Variants in GABPB2 observed in about 807,000 individuals in gnomAD.
GABPB2 encodes the protein GA-binding protein subunit beta-2.
Under a neutral mutation model 39.1 loss-of-function variants are expected in GABPB2, and 23 were observed. The ratio of observed to expected loss-of-function variants is 0.59; its 90% confidence interval spans 0.42 to 0.83. The LOEUF (loss-of-function observed/expected upper bound fraction) is 0.83. Among genes scored for constraint, GABPB2 ranks in the 40% least tolerant of loss-of-function variants. The probability of loss-of-function intolerance (pLI) is 0.00; values close to 1 mark genes in which losing one functional copy is unlikely to be tolerated. For synonymous variants in GABPB2, 184 were observed against 199.3 expected (o/e 0.92, Z 0.65); for missense variants, 467 against 541.1 (o/e 0.86, Z 1.36).
At chr1:151,114,576 T>C (rs1056410685) in intron 7 of GABPB2, among the ~76,000 whole-genome samples, 3 of 152,106 alleles carry the variant, frequency 2.0e-5, no homozygotes, top group Non-Finnish European at 4.4e-5. Flanking sequence ...CATATGCCTA[T>C]AGTCCCAGAT....
chr1:151,109,879 C>A lies in GABPB2; in HGVS notation c.922+2657C>A, dbSNP rs1387374456. ...TTTTAGACAGGGACACAGTCTGTCACCCAGGCTGGAGTGCAGTGGCGTGAT... is the reference window on the plus strand; with the variant it reads ...TTTTAGACAGGGACACAGTCTGTCAACCAGGCTGGAGTGCAGTGGCGTGAT... On this transcript the variant is annotated intron_variant, in intron 7 of 8. Coordinates refer to ENST00000368918, the MANE Select transcript of GABPB2 (RefSeq NM_144618.3). Among the ~76,000 whole-genome samples the A allele has an allele frequency of 4.0e-5, 6 of 150,744 alleles. No individual in the cohort carries two copies. In the East Asian group the frequency reaches 6.0e-4, roughly 15 times the overall value.
At chr1:151,097,358 G>GA (rs1679170319) in intron 4 of GABPB2, among the ~76,000 whole-genome samples, 3 of 151,852 alleles carry the variant, frequency 2.0e-5, no homozygotes, top group Admixed American at 1.3e-4. Context: ...GGCCTGGTCT[G>GA]AAAAAAAATG....
At chr1:151,093,157 C>T (rs750634304) in intron 3 of GABPB2, 35 bp from the exon 4 acceptor site, 56 of 1,510,918 alleles carry the variant, frequency 3.7e-5, no homozygotes, top group South Asian at 3.5e-4. Flanking sequence ...CTACTATAAC[C>T]GCTGTTTGTT....
At chr1:151,080,180 A>C (rs1254818337) in intron 1 of GABPB2, among the ~76,000 whole-genome samples, 2 of 140,338 alleles carry the variant, frequency 1.4e-5, no homozygotes, top group Non-Finnish European at 1.5e-5. Context: ...ATGCCATTGC[A>C]CTCCAGCCTG....
intron 1 of GABPB2, among the ~76,000 whole-genome samples, chr1:151,084,990 C>T (rs971921302): frequency 1.3e-5 from 2 of 151,952 alleles, no homozygotes; most frequent in Non-Finnish European, 2.9e-5. Context: ...GTCTCAGCTA[C>T]TTGGAAGGCT....
intron 1 of GABPB2, among the ~76,000 whole-genome samples, chr1:151,075,694 G>A (rs1411464283): frequency 1.3e-5 from 2 of 150,812 alleles, no homozygotes; most frequent in African/African-American, 4.9e-5. Flanking sequence ...AGGCAACAGA[G>A]CGAGACTTCA....
intron 4 of GABPB2, 99 bp from the exon 5 acceptor site, chr1:151,097,753 T>C: frequency 4.1e-6 from 5 of 1,208,490 alleles, no homozygotes; most frequent in Non-Finnish European, 4.6e-6. Context: ...CACTCCAGCC[T>C]GGGTGGCAGA....
chr1:151,104,802 T>TTTCTTTCTCTTTC (rs10638922), intron 6 of GABPB2, among the ~76,000 whole-genome samples: 3 of 139,360 alleles, frequency 2.2e-5, no homozygotes, highest in African/African-American at 8.6e-5. Context: ...TCTTTCTTTC[T>TTTCTTTCTCTTTC]TTTCTTTCTT....
intron 1 of GABPB2, among the ~76,000 whole-genome samples, chr1:151,074,057 A>G: frequency 6.8e-6 from 1 of 147,226 alleles, no homozygotes; most frequent in Non-Finnish European, 1.5e-5. Context: ...GCTCGCTGCA[A>G]GCTCCGCTTC....
intron 1 of GABPB2, among the ~76,000 whole-genome samples, chr1:151,081,526 A>G (rs957015501): frequency 3.9e-5 from 6 of 152,050 alleles, no homozygotes; most frequent in Admixed American, 6.6e-5. Context: ...CAAACCGTAT[A>G]TATATATCTT....
At chr1:151,093,001 C>T (rs1438992135) in intron 3 of GABPB2, among the ~76,000 whole-genome samples, 191 bp from the exon 4 acceptor site, 1 of 152,058 alleles carries the variant, frequency 6.6e-6, no homozygotes, top group African/African-American at 2.4e-5. Flanking sequence ...TTAGAGGACC[C>T]ACTCGTTGAA....
At position 151,120,833 on chromosome 1, in the gene GABPB2, C is replaced by T. The variant is rs115339363; in HGVS notation, c.*2577C>T. ...GTGCAATGGTGTGATCTCAACTCAC[C>T]GCAACTTCCACCTCCCGGTTTCAAG... On this transcript the variant is annotated 3_prime_UTR_variant, in exon 9 of 9. Coordinates refer to ENST00000368918, the MANE Select transcript of GABPB2 (RefSeq NM_144618.3). 0.047 allele frequency: 7,130 copies of T among 150,500 alleles called. 283 individuals are homozygous for T. Among genetic ancestry groups the T allele is most frequent in the African/African-American group, 0.1 (4,208 of 40,874 alleles). 9.3% of individuals were successfully genotyped at this position (150,500 alleles called of 1,614,324 possible).
chr1:151,101,594 A>G (rs1452569259), intron 5 of GABPB2, among the ~76,000 whole-genome samples: 3 of 144,850 alleles, frequency 2.1e-5, no homozygotes, highest in Non-Finnish European at 4.5e-5. Flanking sequence ...AGAAAAAGAA[A>G]AAAGAAAAGA....
chr1:151,093,292 A>G lies in GABPB2; in HGVS notation c.377A>G (p.Tyr126Cys), dbSNP rs766635312. 6 of 1,613,000 alleles carry G rather than the reference A, an allele frequency of 3.7e-6. No individual in the cohort carries two copies. The highest frequency in any genetic ancestry group is 4.5e-5 in the East Asian group (2 of 44,826). Residue 126 changes from tyrosine to cysteine, a missense_variant, in exon 4 of 9, where the codon TAT becomes TGT. Physicochemically the swap from Tyr to Cys is radical, Grantham distance 194 (BLOSUM62 -2). Coordinates refer to ENST00000368918, the MANE Select transcript of GABPB2 (RefSeq NM_144618.3). ...HRDVVELLIKYGADVHAFSKF... is the reference protein window; with the variant it reads ...HRDVVELLIKCGADVHAFSKF... The stretch of plus-strand genomic sequence containing the variant: ...GATGTCGTAGAGTTACTTATCAAAT[A>G]TGGAGCTGATGTCCATGCTTTCAGC...
intron 7 of GABPB2, among the ~76,000 whole-genome samples, chr1:151,108,837 A>C (rs775332093): frequency 2.6e-5 from 4 of 152,092 alleles, no homozygotes; most frequent in Non-Finnish European, 4.4e-5. Flanking sequence ...ACATAGTTAA[A>C]ATTTTTTGAA....
intron 1 of GABPB2, among the ~76,000 whole-genome samples, chr1:151,086,380 G>A (rs1678193474): frequency 1.3e-5 from 2 of 152,136 alleles, no homozygotes; most frequent in African/African-American, 4.8e-5. Context: ...AGTAGAACTG[G>A]CAATTTTCCC....
intron 1 of GABPB2, among the ~76,000 whole-genome samples, chr1:151,077,597 C>T (rs776693036): frequency 9.2e-5 from 14 of 151,542 alleles, no homozygotes; most frequent in Admixed American, 2.0e-4. Flanking sequence ...CCTTGTGATC[C>T]GCCGCGCCCG....
chr1:151,105,736 C>G (rs896372775), intron 6 of GABPB2, among the ~76,000 whole-genome samples: 32 of 152,210 alleles, frequency 2.1e-4, no homozygotes, highest in African/African-American at 7.7e-4. Flanking sequence ...AACTCCCAGC[C>G]TCAAGCAGTC....
intron 1 of GABPB2, among the ~76,000 whole-genome samples, chr1:151,082,164 C>T (rs1677770871): frequency 6.7e-6 from 1 of 149,716 alleles, no homozygotes; most frequent in Non-Finnish European, 1.5e-5. Context: ...ACAACCTCTA[C>T]CTCCCGGGTC....
Sources: gnomAD v4.1 joint callset for allele counts (sites outside exome capture counted in the v4.1 genomes callset) on GRCh38, gnomAD v4.1.1 for gene constraint, MANE v1.5 for transcripts, NCBI Gene and HGNC (gene_info 2026-07-23, HGNC 2026-07-21) for gene names.